SLC9A9: variants seen among roughly 807,000 people sequenced by gnomAD.
SLC9A9 encodes sodium/hydrogen exchanger 9.
Under a neutral mutation model 77.8 loss-of-function variants are expected in SLC9A9, and 62 were observed. That is an observed-to-expected ratio of 0.80 (90% CI 0.65 to 0.98). The LOEUF is 0.98. Ranked by LOEUF, SLC9A9 falls within the 50% of genes least tolerant of loss-of-function variation. The probability of loss-of-function intolerance (pLI) is 0.00; values close to 1 mark genes in which losing one functional copy is unlikely to be tolerated. For synonymous variants in SLC9A9, 320 were observed against 283.5 expected (o/e 1.13, Z -1.29); for missense variants, 775 against 774.9 (o/e 1.00, Z 0.00).
At chr3:143,413,382 G>A (rs1443734245) in intron 12 of SLC9A9, among the ~76,000 whole-genome samples, 1 of 152,160 alleles carries the variant, frequency 6.6e-6, no homozygotes, top group Non-Finnish European at 1.5e-5. Context: ...ATGTTCAAGA[G>A]TTGGGGGTTG....
chr3:143,593,868 G>A (rs1195124297), intron 6 of SLC9A9, among the ~76,000 whole-genome samples: 1 of 152,178 alleles, frequency 6.6e-6, no homozygotes, highest in Non-Finnish European at 1.5e-5. Context: ...GGAAAAGTAT[G>A]ATAAACCCCA....
intron 4 of SLC9A9, among the ~76,000 whole-genome samples, chr3:143,778,216 A>T (rs1465076400): frequency 1.3e-5 from 2 of 152,066 alleles, no homozygotes; most frequent in Non-Finnish European, 2.9e-5. Context: ...GAGCTCACAG[A>T]TCAGCACTGG....
chr3:143,521,329 G>A (rs1355267161), intron 9 of SLC9A9, among the ~76,000 whole-genome samples: 1 of 152,098 alleles, frequency 6.6e-6, no homozygotes, highest in African/African-American at 2.4e-5. Context: ...GCCTGAAGGG[G>A]GCTTCTAGGA....
chr3:143,317,430 G>A (rs148113476), intron 14 of SLC9A9, among the ~76,000 whole-genome samples: 1 of 152,314 alleles, frequency 6.6e-6, no homozygotes, highest in East Asian at 1.9e-4. Context: ...GGATGTCTCA[G>A]TGTTACTGAG....
At chr3:143,336,406 T>C (rs1169465528) in intron 14 of SLC9A9, among the ~76,000 whole-genome samples, 1 of 152,042 alleles carries the variant, frequency 6.6e-6, no homozygotes, top group African/African-American at 2.4e-5. Flanking sequence ...CCAAAAGAAT[T>C]GAAAGCAGGA....
intron 2 of SLC9A9, among the ~76,000 whole-genome samples, chr3:143,804,573 T>C (rs1343308401): frequency 6.6e-6 from 1 of 152,272 alleles, no homozygotes; most frequent in South Asian, 2.1e-4. Flanking sequence ...TTGCACAAGG[T>C]CTCTTCTTGC....
intron 8 of SLC9A9, among the ~76,000 whole-genome samples, chr3:143,567,077 G>T (rs1299446854): frequency 6.6e-6 from 1 of 152,032 alleles, no homozygotes; most frequent in Admixed American, 6.6e-5. Context: ...CTCTGCACAA[G>T]AAAAATTCTA....
chr3:143,376,604 T>C (rs2033185508), intron 13 of SLC9A9, among the ~76,000 whole-genome samples: 1 of 152,218 alleles, frequency 6.6e-6, no homozygotes, highest in Admixed American at 6.5e-5. Flanking sequence ...TTCTTCCTTA[T>C]TATCATTCCT....
chr3:143,490,087 A>G (rs1167439224), intron 11 of SLC9A9, among the ~76,000 whole-genome samples: 5 of 152,178 alleles, frequency 3.3e-5, no homozygotes, highest in African/African-American at 1.2e-4. Context: ...TAAAATGGTA[A>G]AGTTACATTA....
At chr3:143,580,051 G>A (rs1338033074) in intron 6 of SLC9A9, among the ~76,000 whole-genome samples, 1 of 152,188 alleles carries the variant, frequency 6.6e-6, no homozygotes, top group Non-Finnish European at 1.5e-5. Context: ...GCGAGAAAAG[G>A]ACTGCCTTTG....
In SLC9A9 at chr3:143,308,923, G is replaced by A. The variant is rs375131730; in HGVS notation, c.1605-39943C>T. 9.2e-5 allele frequency among the ~76,000 whole-genome samples: 14 copies of A among 152,234 alleles called. No homozygotes were observed. The East Asian group carries it at 2.7e-3, about 29-fold the overall frequency. On this transcript the variant is annotated intron_variant, in intron 14 of 15. Coordinates refer to ENST00000316549, the MANE Select transcript of SLC9A9 (RefSeq NM_173653.4). ...TGGTGATCTTTTGTAAGTCACTTCA[G>A]CTTCTCTTAGGCTCAGTTTTCCCCC...
chr3:143,840,634 C>T (rs550168334), intron 1 of SLC9A9, among the ~76,000 whole-genome samples: 2 of 152,256 alleles, frequency 1.3e-5, no homozygotes, highest in East Asian at 3.9e-4. Context: ...ATTCTGTTTC[C>T]CACAGTGGGC....
At chr3:143,617,170 G>A (rs774886325) in intron 6 of SLC9A9, among the ~76,000 whole-genome samples, 1 of 152,210 alleles carries the variant, frequency 6.6e-6, no homozygotes, top group Non-Finnish European at 1.5e-5. Context: ...CTATCATCAC[G>A]TGGAGTCTCT....
intron 15 of SLC9A9, among the ~76,000 whole-genome samples, chr3:143,267,345 C>CTTTTTTTTT (rs749407002): frequency 8.8e-6 from 1 of 113,630 alleles, no homozygotes; most frequent in African/African-American, 3.8e-5. Context: ...GTTATTGCTA[C>CTTTTTTTTT]TTTTTTTTTT....
intron 12 of SLC9A9, among the ~76,000 whole-genome samples, chr3:143,399,901 C>CA (rs1277142971): frequency 6.6e-6 from 1 of 152,110 alleles, no homozygotes; most frequent in Non-Finnish European, 1.5e-5. Flanking sequence ...GAGAATATAT[C>CA]AAGACCATTA....
chr3:143,636,675 A>G (rs2038527745), intron 6 of SLC9A9, among the ~76,000 whole-genome samples: 1 of 152,120 alleles, frequency 6.6e-6, no homozygotes, highest in South Asian at 2.1e-4. Flanking sequence ...CTTTATGTCC[A>G]CGTGTACCCA....
intron 14 of SLC9A9, among the ~76,000 whole-genome samples, chr3:143,362,702 A>G (rs2032785091): frequency 6.6e-6 from 1 of 152,184 alleles, no homozygotes. Context: ...CTGGAAAACT[A>G]GCTACAAAGA....
intron 14 of SLC9A9, among the ~76,000 whole-genome samples, chr3:143,271,373 T>A (rs116386804): frequency 1.3e-5 from 2 of 152,212 alleles, no homozygotes; most frequent in South Asian, 2.1e-4. Flanking sequence ...ACTGACCATA[T>A]GGCCTAGTTA....
At chr3:143,676,049 T>A (rs1241632783) in intron 5 of SLC9A9, among the ~76,000 whole-genome samples, 1 of 152,160 alleles carries the variant, frequency 6.6e-6, no homozygotes, top group Non-Finnish European at 1.5e-5. Context: ...CCACCTCAGC[T>A]CATCAGGCAT....
Sources: gnomAD v4.1 joint callset for allele counts (sites outside exome capture counted in the v4.1 genomes callset) on GRCh38, gnomAD v4.1.1 for gene constraint, MANE v1.5 for transcripts, NCBI Gene and HGNC (gene_info 2026-07-23, HGNC 2026-07-21) for gene names.